CAPN1: variants seen among roughly 807,000 people sequenced by gnomAD.
CAPN1 encodes calpain 1, also known as calpain-1 catalytic subunit.
Under a neutral mutation model 105.2 loss-of-function variants are expected in CAPN1, and 77 were observed. The ratio of observed to expected loss-of-function variants is 0.73; its 90% CI spans 0.61 to 0.88. The LOEUF (loss-of-function observed/expected upper bound fraction) is 0.88, where lower values mean the gene tolerates loss of function less well. Ranked by LOEUF, CAPN1 falls within the 40% of genes least tolerant of loss-of-function variation. The pLI, the probability that CAPN1 is intolerant of heterozygous loss-of-function variation, is 0.00. For synonymous variants in CAPN1, 355 were observed against 388.8 expected, an observed-to-expected ratio of 0.91 and a Z score of 1.02; for missense variants, 833 against 976.6, an observed-to-expected ratio of 0.85 and a Z score of 1.96.
rs537493793 is a variant in CAPN1 at position 65,210,028 on chromosome 11, G to A, written c.1874G>A (p.Arg625Gln). 52 of 1,612,996 alleles carry A rather than the reference G, an allele frequency of 3.2e-5. No individual in the cohort carries two copies. Among genetic ancestry groups the A allele is most frequent in the South Asian group, 2.5e-4 (23 of 91,074 alleles). Residue 625 changes from arginine (R) to glutamine (Q), a missense_variant, in exon 19 of 22, where the codon CGG (arginine) becomes CAG (glutamine). By Grantham distance (43) the Arg-to-Gln change is conservative. Transcript: ENST00000279247. This position sits in a 1 kb window ranked among gnomAD's most constrained non-coding sequence, Gnocchi z 4.3. ...CTGCCGCCACCTCAGTCCATCTTCC[G>A]GAAGTTTGACCTGGACAAGTCGGGC... ...NRIRNYLSIF[R>Q]KFDLDKSGSM...
At position 65,206,580 on chromosome 11, in the gene CAPN1, C is replaced by G. The variant is rs779500680; in HGVS notation, c.1471C>G (p.Pro491Ala). 1 of 1,613,490 alleles carries G rather than the reference C, an allele frequency of 6.2e-7. No homozygotes were observed. Among genetic ancestry groups the G allele is most frequent in the Non-Finnish European group, 8.5e-7 (1 of 1,179,882 alleles). Reference sequence around the variant, plus strand: ...GGTCAGCACCCGCTTCCGCCTGCCACCCGGGGAGTATGTGGTGGTGCCCTC... The same window carrying G: ...GGTCAGCACCCGCTTCCGCCTGCCAGCCGGGGAGTATGTGGTGGTGCCCTC... ...REVSTRFRLP[P>A]GEYVVVPSTF... The change falls in exon 13 of 22, where the codon CCC (proline) becomes GCC (alanine). Residue 491 changes from proline to alanine, a missense_variant. Physicochemically the swap from Pro to Ala is conservative, Grantham distance 27 (BLOSUM62 -1). Coordinates refer to ENST00000279247, the MANE Select transcript of CAPN1 (RefSeq NM_005186.4).
intron 10 of CAPN1, among the ~76,000 whole-genome samples, chr11:65,191,571 G>A (rs1260002521): frequency 1.3e-5 from 2 of 152,078 alleles, no homozygotes; most frequent in Non-Finnish European, 1.5e-5. Context: ...TAGAGACAGG[G>A]TTTCACCATG....
At position 65,183,082 on chromosome 11, in the gene CAPN1, T is replaced by A. The variant is rs1590846811; in HGVS notation, c.268-46T>A. 6.2e-6 allele frequency: 10 copies of A among 1,612,310 alleles called. No homozygotes were observed. In the East Asian group the frequency reaches 2.2e-4, roughly 36 times the overall value. On this transcript the variant is annotated intron_variant, in intron 2 of 21. Coordinates refer to ENST00000279247, the MANE Select transcript of CAPN1 (RefSeq NM_005186.4). ...GGGTCTGGGGTGGCCTGGTGCCAAT[T>A]TCTGGGAGGGGCTGGCCGAGGAACA...
At position 65,210,987 on chromosome 11, in the gene CAPN1, C is replaced by G. The variant is rs767644562; in HGVS notation, c.2118+115C>G. 1.4e-5 allele frequency: 14 copies of G among 988,014 alleles called. No individual in the cohort carries two copies. Among genetic ancestry groups the G allele is most frequent in the Non-Finnish European group, 1.8e-5 (11 of 624,030 alleles). The allele number at this position is 988,014 out of a possible 1,614,324, so 61.2% of individuals were successfully genotyped here. On this transcript the variant is annotated intron_variant, in intron 21 of 21. Coordinates refer to ENST00000279247, the MANE Select transcript of CAPN1 (RefSeq NM_005186.4). This position sits in a 1 kb window ranked among gnomAD's most constrained non-coding sequence, Gnocchi z 4.3. Reference sequence around the variant, plus strand: ...ATGAGCCTGGGCCTCAGAGCCAACCCTGAAGCCCGGGCCACCTGAATCCTG... The same window carrying G: ...ATGAGCCTGGGCCTCAGAGCCAACCGTGAAGCCCGGGCCACCTGAATCCTG...
In CAPN1 at chr11:65,210,726, G is replaced by A; in HGVS notation, c.2060-88G>A. ...TGCGGTACTGTGGGGAGGTAGAGAG[G>A]GACCAGGCAGGAAGGGGGCCAGGCC... On this transcript the variant is annotated intron_variant, in intron 20 of 21. Transcript: ENST00000279247. The surrounding 1 kb of genome is among the most constrained non-coding windows in gnomAD (Gnocchi z 4.3). 1 of 1,064,030 alleles carries A rather than the reference G, an allele frequency of 9.4e-7. No homozygotes were observed. Among genetic ancestry groups the A allele is most frequent in the Non-Finnish European group, 1.5e-6 (1 of 678,740 alleles). 65.9% of individuals were successfully genotyped at this position (1,064,030 alleles called of 1,614,324 possible).
Position 65,205,992 on chromosome 11 carries a change from A to G in CAPN1, c.1353+271A>G, listed in dbSNP as rs1948950827. On this transcript the variant is annotated intron_variant, in intron 12 of 21. Transcript: ENST00000279247. ...CACATGAGGCTTTTCCTGCCTTGCC[A>G]TCTACACCAAGTAAGTGCCAACTAG... The G allele has an allele frequency of 5.5e-6, 3 of 549,368 alleles. No individual in the cohort carries two copies. In the South Asian group the frequency reaches 7.0e-5, roughly 13 times the overall value. The allele number at this position is 549,368 out of a possible 1,614,324, so 34.0% of individuals were successfully genotyped here.
intron 10 of CAPN1, among the ~76,000 whole-genome samples, chr11:65,200,789 GC>G (rs1948857270): frequency 6.6e-6 from 1 of 151,670 alleles, no homozygotes; most frequent in Non-Finnish European, 1.5e-5. Context: ...CACACCACAC[GC>G]CCAGCTAACT....
At chr11:65,200,357 T>A (rs1948850021) in intron 10 of CAPN1, among the ~76,000 whole-genome samples, 1 of 152,096 alleles carries the variant, frequency 6.6e-6, no homozygotes, top group Admixed American at 6.5e-5. Flanking sequence ...TTGTTCTTTT[T>A]TTTTGGAGAT....
At chr11:65,187,356 T>C in intron 7 of CAPN1, 58 bp downstream of exon 7, 1 of 1,209,956 alleles carries the variant, frequency 8.3e-7, no homozygotes, top group Non-Finnish European at 1.2e-6. Flanking sequence ...GGCCTGTCCT[T>C]GCCTCTCTGG....
rs768652265 is a variant in CAPN1, at chr11:65,188,597, G to A, written c.1016G>A (p.Arg339Gln). Residue 339 changes from arginine to glutamine, a missense_variant, in exon 10 of 22, where the codon CGA (arginine) becomes CAA (glutamine). Coordinates refer to ENST00000279247, the MANE Select transcript of CAPN1 (RefSeq NM_005186.4). The surrounding 1 kb of genome is among the most constrained non-coding windows in gnomAD (Gnocchi z 5.5). Reference protein sequence around the residue: ...MEDGEFWMSFRDFMREFTRLE... With the variant: ...MEDGEFWMSFQDFMREFTRLE... Reference sequence around the variant, plus strand: ...ACCTCCCACCTCAGGATGTCATTCCGAGACTTCATGCGGGAGTTCACCCGC... The same window carrying A: ...ACCTCCCACCTCAGGATGTCATTCCAAGACTTCATGCGGGAGTTCACCCGC... 54 of 1,613,826 alleles carry A rather than the reference G, an allele frequency of 3.3e-5. No individual in the cohort carries two copies. The highest frequency in any genetic ancestry group is 4.3e-5 in the Non-Finnish European group (51 of 1,179,870).
At position 65,210,727 on chromosome 11, in the gene CAPN1, G is replaced by A. The variant is rs1445429490; in HGVS notation, c.2060-87G>A. The A allele has an allele frequency of 1.9e-6, 2 of 1,072,678 alleles. No homozygotes were observed. The highest frequency in any genetic ancestry group is 2.9e-6 in the Non-Finnish European group (2 of 686,708). The allele number at this position is 1,072,678 out of a possible 1,614,324, so 66.4% of individuals were successfully genotyped here. A position where few individuals can be genotyped will look rare whatever the true frequency, so the allele number is the denominator to read the frequency against. ...GCGGTACTGTGGGGAGGTAGAGAGG[G>A]ACCAGGCAGGAAGGGGGCCAGGCCT... On this transcript the variant is annotated intron_variant, in intron 20 of 21. Transcript: ENST00000279247. This position sits in a 1 kb window ranked among gnomAD's most constrained non-coding sequence, Gnocchi z 4.3.
In CAPN1 at chr11:65,204,826, G is replaced by T. The variant is rs761883462; in HGVS notation, c.1309G>T (p.Asp437Tyr). 1 of 1,611,882 alleles carries T rather than the reference G, an allele frequency of 6.2e-7. No individual in the cohort carries two copies. Among genetic ancestry groups the T allele is most frequent in the Non-Finnish European group, 8.5e-7 (1 of 1,179,054 alleles). ...TCGCCGCGAGCGCCGCTTCGGCCGC[G>T]ACATGGAGACTATTGGCTTCGCGGT... ...HRRRERRFGR[D>Y]METIGFAVYE... Residue 437 changes from aspartate to tyrosine, a missense_variant, in exon 11 of 22, where the codon GAC (aspartate) becomes TAC (tyrosine). Physicochemically the swap from Asp to Tyr is radical, Grantham distance 160. Transcript: ENST00000279247.
chr11:65,196,827 G>C (rs1398785317), intron 10 of CAPN1, among the ~76,000 whole-genome samples: 1 of 152,132 alleles, frequency 6.6e-6, no homozygotes, highest in Non-Finnish European at 1.5e-5. Flanking sequence ...GCTTTGAAGT[G>C]AACAGAAGCT....
chr11:65,209,275 T>G lies in CAPN1; in HGVS notation c.1730-48T>G, dbSNP rs756504770. The stretch of plus-strand genomic sequence containing the variant: ...ACCCAGTGCTCCCAGCAGGGGCAGG[T>G]GCAGGAAGCTCACTAGGTGGAGATG... On this transcript the variant is annotated intron_variant, in intron 16 of 21. Coordinates refer to ENST00000279247, the MANE Select transcript of CAPN1 (RefSeq NM_005186.4). The surrounding 1 kb of genome is among the most constrained non-coding windows in gnomAD (Gnocchi z 4.1). The G allele has an allele frequency of 2.0e-6, 3 of 1,520,334 alleles. No homozygotes were observed. Among genetic ancestry groups the G allele is most frequent in the Non-Finnish European group, 9.1e-7 (1 of 1,102,346 alleles). 94.2% of individuals were successfully genotyped at this position (1,520,334 alleles called of 1,614,324 possible).
chr11:65,198,874 G>A (rs1948828667), intron 10 of CAPN1, among the ~76,000 whole-genome samples: 2 of 151,890 alleles, frequency 1.3e-5, no homozygotes, highest in Middle Eastern at 3.4e-3. Flanking sequence ...GCGCTCTGTC[G>A]CCCAGGCTGG....
chr11:65,193,322 T>G (rs1424692129), intron 10 of CAPN1, among the ~76,000 whole-genome samples: 1 of 152,004 alleles, frequency 6.6e-6, no homozygotes, highest in East Asian at 1.9e-4. Context: ...TAATGTCCCC[T>G]TTTTATGCAT....
rs146438346 is a variant in CAPN1, at chr11:65,210,483, A to G, written c.2059+31A>G. ...TGTCCCCAACTGCCTCCCACCCTCC[A>G]GCTCCGTCCCAAACGCGTCCCCCAG... On this transcript the variant is annotated intron_variant, in intron 20 of 21. Transcript: ENST00000279247. This position sits in a 1 kb window ranked among gnomAD's most constrained non-coding sequence, Gnocchi z 4.3. The G allele has an allele frequency of 2.2e-6, 3 of 1,345,018 alleles. No individual in the cohort carries two copies. Among genetic ancestry groups the G allele is most frequent in the Non-Finnish European group, 3.2e-6 (3 of 942,404 alleles). The allele number at this position is 1,345,018 out of a possible 1,614,324, so 83.3% of individuals were successfully genotyped here.
intron 10 of CAPN1, among the ~76,000 whole-genome samples, chr11:65,197,061 C>T (rs1948801142): frequency 6.6e-6 from 1 of 152,216 alleles, no homozygotes; most frequent in Non-Finnish European, 1.5e-5. Context: ...GATGAAGTCA[C>T]TGATCTATGA....
intron 10 of CAPN1, among the ~76,000 whole-genome samples, chr11:65,199,055 G>T (rs758256829): frequency 6.6e-6 from 1 of 152,016 alleles, no homozygotes; most frequent in Non-Finnish European, 1.5e-5. Flanking sequence ...GGCTAGTCTC[G>T]AACACCTGGC....
Sources: allele counts gnomAD v4.1 joint callset (sites outside exome capture counted in the v4.1 genomes callset), GRCh38; gene constraint gnomAD v4.1.1; non-coding constraint Gnocchi (gnomAD v3.1); transcripts MANE v1.5; gene names NCBI Gene and HGNC (gene_info 2026-07-23, HGNC 2026-07-21).